CMKLR1: variants seen among roughly 807,000 people sequenced by gnomAD.
CMKLR1 encodes chemerin chemokine-like receptor 1, also known as chemerin-like receptor 1.
A neutral mutation model predicts 8.2 loss-of-function variants in CMKLR1; 6 were observed. That is an observed-to-expected ratio of 0.73 (90% confidence interval 0.40 to 1.44). CMKLR1 has a LOEUF of 1.44. CMKLR1 is among the 40% of genes most tolerant of loss of function. The probability of loss-of-function intolerance (pLI) is 0.02; values close to 1 mark genes in which losing one functional copy is unlikely to be tolerated. For synonymous variants in CMKLR1, 178 were observed against 181.2 expected (o/e 0.98, Z 0.14); for missense variants, 429 against 478.0 (o/e 0.90, Z 0.96).
intron 1 of CMKLR1, among the ~76,000 whole-genome samples, chr12:108,335,567 A>G (rs1481768269): frequency 6.6e-6 from 1 of 152,222 alleles, no homozygotes; most frequent in Non-Finnish European, 1.5e-5. Context: ...CTACTACCCT[A>G]GCTGATATAC....
chr12:108,298,661 G>A (rs922953319), intron 2 of CMKLR1, among the ~76,000 whole-genome samples: 1 of 152,176 alleles, frequency 6.6e-6, no homozygotes, highest in Non-Finnish European at 1.5e-5. Flanking sequence ...TTACTCACCA[G>A]AGACCACATC....
intron 2 of CMKLR1, among the ~76,000 whole-genome samples, chr12:108,323,466 C>T (rs2137333881): frequency 6.6e-6 from 1 of 152,184 alleles, no homozygotes; most frequent in East Asian, 1.9e-4. Context: ...AACTAAGACC[C>T]AAAGGACAGC....
At chr12:108,310,806 C>T (rs539795126) in intron 2 of CMKLR1, among the ~76,000 whole-genome samples, 5 of 152,294 alleles carry the variant, frequency 3.3e-5, no homozygotes, top group South Asian at 2.1e-4. Context: ...CCCCCATCCC[C>T]GGGCCTCATG....
At chr12:108,330,775 A>C (rs1045431649) in intron 1 of CMKLR1, among the ~76,000 whole-genome samples, 4 of 152,272 alleles carry the variant, frequency 2.6e-5, no homozygotes, top group African/African-American at 7.2e-5. Context: ...CAGGACTGGG[A>C]GCAGAAGGAG....
chr12:108,293,532 C>T, intron 3 of CMKLR1, 57 bp downstream of exon 3: 1 of 1,547,084 alleles, frequency 6.5e-7, no homozygotes, highest in Non-Finnish European at 8.7e-7. Context: ...CCCTGTGCAC[C>T]CAATCTGTCA....
chr12:108,311,438 G>A (rs1443826409), intron 2 of CMKLR1, among the ~76,000 whole-genome samples: 1 of 152,166 alleles, frequency 6.6e-6, no homozygotes, highest in Non-Finnish European at 1.5e-5. Context: ...ATCATAGAGA[G>A]ACCCTGCCTC....
intron 2 of CMKLR1, among the ~76,000 whole-genome samples, 195 bp downstream of exon 2, chr12:108,329,800 G>T (rs1463892606): frequency 6.6e-6 from 1 of 152,190 alleles, no homozygotes; most frequent in African/African-American, 2.4e-5. Context: ...GTAAATGCTT[G>T]TGAAGTGAAC....
chr12:108,314,982 G>A (rs563421109), intron 2 of CMKLR1, among the ~76,000 whole-genome samples: 64 of 138,362 alleles, frequency 4.6e-4, no homozygotes, highest in African/African-American at 1.7e-3. Flanking sequence ...TTGTTGCCCA[G>A]GCTGGAGTGC....
At chr12:108,335,687 T>A (rs533940808) in intron 1 of CMKLR1, among the ~76,000 whole-genome samples, 1 of 152,326 alleles carries the variant, frequency 6.6e-6, no homozygotes, top group East Asian at 1.9e-4. Flanking sequence ...GTCTCTTAAC[T>A]CCTTGGAGTA....
chr12:108,337,597 A>C (rs2137351576), intron 1 of CMKLR1, among the ~76,000 whole-genome samples: 1 of 152,310 alleles, frequency 6.6e-6, no homozygotes, highest in South Asian at 2.1e-4. Context: ...AGAGCCTAGC[A>C]GACAAGCCCT....
chr12:108,338,420 C>T (rs1260619019), intron 1 of CMKLR1, among the ~76,000 whole-genome samples: 2 of 152,142 alleles, frequency 1.3e-5, no homozygotes, highest in East Asian at 1.9e-4. Context: ...ATATTATTCT[C>T]GACTTCACAT....
intron 2 of CMKLR1, among the ~76,000 whole-genome samples, chr12:108,320,969 G>C (rs1320553061): frequency 6.6e-6 from 1 of 152,220 alleles, no homozygotes; most frequent in Non-Finnish European, 1.5e-5. Flanking sequence ...CACTAGCAGG[G>C]TCCCCCATCT....
intron 2 of CMKLR1, among the ~76,000 whole-genome samples, chr12:108,321,579 C>T (rs1487750226): frequency 5.3e-5 from 8 of 151,996 alleles, no homozygotes; most frequent in Admixed American, 5.2e-4. Context: ...CTGGAGAGCA[C>T]ACCCTAACAC....
intron 2 of CMKLR1, among the ~76,000 whole-genome samples, chr12:108,312,494 T>C (rs1380508005): frequency 6.6e-6 from 1 of 152,198 alleles, no homozygotes; most frequent in Non-Finnish European, 1.5e-5. Context: ...ACTGAGAGTC[T>C]GGGGCTCATG....
chr12:108,300,004 A>G (rs1385738916), intron 2 of CMKLR1, among the ~76,000 whole-genome samples: 1 of 152,232 alleles, frequency 6.6e-6, no homozygotes, highest in South Asian at 2.1e-4. Flanking sequence ...TGGCATATGC[A>G]TCTGATTAGA....
chr12:108,305,756 T>G (rs950884527), intron 2 of CMKLR1, among the ~76,000 whole-genome samples: 1 of 152,188 alleles, frequency 6.6e-6, no homozygotes, highest in African/African-American at 2.4e-5. Context: ...CGCCCACATG[T>G]GGGAGCTCGC....
At chr12:108,334,888 A>G (rs1303532266) in intron 1 of CMKLR1, among the ~76,000 whole-genome samples, 1 of 152,164 alleles carries the variant, frequency 6.6e-6, no homozygotes, top group Non-Finnish European at 1.5e-5. Context: ...CTTTGGCTTA[A>G]TAACCCGCAG....
rs750132517 is a variant in CMKLR1 at position 108,292,064 on chromosome 12, A to AG, written c.898dup (p.Leu300ProfsTer41). The AG allele has an allele frequency of 6.2e-7, 1 of 1,614,238 alleles. No homozygotes were observed. Among genetic ancestry groups the AG allele is most frequent in the African/African-American group, 1.3e-5 (1 of 75,058 alleles). On this transcript the variant is annotated frameshift_variant, in exon 4 of 4. Transcript: ENST00000550402. LOFTEE classifies it high-confidence loss of function. ...GTTGGCAATGGCAAGGGCAGTGGCC[A>AG]GGGGCAAACCCAGGCTGAAGACAGA...
intron 2 of CMKLR1, among the ~76,000 whole-genome samples, chr12:108,303,210 CAA>C (rs1487536065): frequency 6.6e-6 from 1 of 152,192 alleles, no homozygotes; most frequent in African/African-American, 2.4e-5. Context: ...AGAGGCTGTG[CAA>C]AGAGTCCTGG....
Sources: gnomAD v4.1 joint callset for allele counts (sites outside exome capture counted in the v4.1 genomes callset) on GRCh38, gnomAD v4.1.1 for gene constraint, MANE v1.5 for transcripts, NCBI Gene and HGNC (gene_info 2026-07-23, HGNC 2026-07-21) for gene names.